Variants in PDZRN3 observed in about 807,000 individuals in gnomAD.
The protein encoded by PDZRN3 is PDZ domain containing ring finger 3.
A neutral mutation model predicts 85.7 loss-of-function variants in PDZRN3; 38 were observed. The ratio of observed to expected loss-of-function variants is 0.44; its 90% CI spans 0.34 to 0.58. The LOEUF is 0.58. Among genes scored for constraint, PDZRN3 ranks in the 20% least tolerant of loss-of-function variants. PDZRN3 has a pLI of 0.01. For synonymous variants in PDZRN3, 759 were observed against 638.0 expected, an observed-to-expected ratio of 1.19 and a Z score of -2.86; for missense variants, 1,629 against 1,506.4, an observed-to-expected ratio of 1.08 and a Z score of -1.35.
chr3:73,601,191 A>T (rs957072047), intron 3 of PDZRN3, among the ~76,000 whole-genome samples: 10 of 152,182 alleles, frequency 6.6e-5, no homozygotes, highest in African/African-American at 2.4e-4. Context: ...TGAGACTGGA[A>T]ATGCAAGACT....
At chr3:73,616,800 C>A (rs927739396) in intron 1 of PDZRN3, among the ~76,000 whole-genome samples, 1 of 152,096 alleles carries the variant, frequency 6.6e-6, no homozygotes, top group African/African-American at 2.4e-5. Flanking sequence ...TAATAACAAC[C>A]CTAACAACAG....
intron 3 of PDZRN3, among the ~76,000 whole-genome samples, chr3:73,510,286 G>C (rs1020202077): frequency 6.6e-6 from 1 of 152,198 alleles, no homozygotes; most frequent in Admixed American, 6.5e-5. Flanking sequence ...TGTAAAACTA[G>C]TGCTCCTTAT....
At chr3:73,425,597 G>GA (rs1702297341) in intron 3 of PDZRN3, among the ~76,000 whole-genome samples, 1 of 108,466 alleles carries the variant, frequency 9.2e-6, no homozygotes, top group African/African-American at 4.0e-5. Context: ...AGGCAAATAA[G>GA]AAGAAAAAAA....
At chr3:73,498,034 G>A (rs1703901292) in intron 3 of PDZRN3, among the ~76,000 whole-genome samples, 1 of 152,182 alleles carries the variant, frequency 6.6e-6, no homozygotes, top group Non-Finnish European at 1.5e-5. Flanking sequence ...TCTCCTCTAG[G>A]CAGAGATCTG....
chr3:73,479,832 G>A (rs1265032005), intron 3 of PDZRN3, among the ~76,000 whole-genome samples: 1 of 152,116 alleles, frequency 6.6e-6, no homozygotes, highest in Non-Finnish European at 1.5e-5. Context: ...ATTCATACAT[G>A]GCTATAGGTG....
chr3:73,500,913 T>A (rs1334102181), intron 3 of PDZRN3, among the ~76,000 whole-genome samples: 1 of 152,188 alleles, frequency 6.6e-6, no homozygotes, highest in Non-Finnish European at 1.5e-5. Context: ...TTGAGCTATA[T>A]CATTTCTTTT....
At chr3:73,542,157 A>G (rs1029945395) in intron 3 of PDZRN3, among the ~76,000 whole-genome samples, 4 of 152,248 alleles carry the variant, frequency 2.6e-5, no homozygotes, top group Non-Finnish European at 4.4e-5. Flanking sequence ...AAAGTACACA[A>G]TGAAATTCCC....
chr3:73,473,023 A>G (rs1703376394), intron 3 of PDZRN3, among the ~76,000 whole-genome samples: 1 of 152,226 alleles, frequency 6.6e-6, no homozygotes, highest in South Asian at 2.1e-4. Context: ...TCAAAATTCT[A>G]GGCAAACTTG....
intron 3 of PDZRN3, among the ~76,000 whole-genome samples, chr3:73,601,741 C>T (rs1702518641): frequency 6.6e-6 from 1 of 152,194 alleles, no homozygotes; most frequent in Non-Finnish European, 1.5e-5. Flanking sequence ...ACTTCCCCTA[C>T]ATGAGTCTAC....
chr3:73,414,299 TAACA>T (rs1293673572), intron 3 of PDZRN3, among the ~76,000 whole-genome samples: 1 of 152,212 alleles, frequency 6.6e-6, no homozygotes, highest in Non-Finnish European at 1.5e-5. Flanking sequence ...AAAAGTCAGG[TAACA>T]AACCAATGAA....
At chr3:73,582,888 AAATGCATACTATTTCATCACATGGATGTG>A (rs1440334762) in intron 3 of PDZRN3, among the ~76,000 whole-genome samples, 10 of 152,230 alleles carry the variant, frequency 6.6e-5, no homozygotes, top group Non-Finnish European at 1.3e-4. Context: ...GGGTTTTAAT[AAATGCATACTATTTCATCACATGGATGTG>A]ACCCCAGCTT....
In PDZRN3 at chr3:73,503,113, A is replaced by C. The variant is rs181872783; in HGVS notation, c.919-98718T>G. On this transcript the variant is annotated intron_variant, in intron 3 of 9. Transcript: ENST00000263666. ...AATGCTTTCTTGATTTTAACTTAAA[A>C]ATTTTAACATTTTACTAACATAAAA... is the stretch of plus-strand genomic sequence containing the variant. Among the ~76,000 whole-genome samples the C allele has an allele frequency of 1.2e-3, 190 of 152,322 alleles. 1 individual carries two copies. The highest frequency in any genetic ancestry group is 2.2e-3 in the Non-Finnish European group (148 of 68,026).
chr3:73,590,650 T>C (rs1376419401), intron 3 of PDZRN3, among the ~76,000 whole-genome samples: 3 of 152,246 alleles, frequency 2.0e-5, no homozygotes, highest in Non-Finnish European at 4.4e-5. Context: ...TTAAAAAGTT[T>C]CAAGCTTTCA....
intron 3 of PDZRN3, among the ~76,000 whole-genome samples, chr3:73,505,573 T>G (rs1264375532): frequency 2.6e-5 from 4 of 152,222 alleles, no homozygotes; most frequent in Non-Finnish European, 5.9e-5. Context: ...GTGGATGATA[T>G]TCTATTGAAT....
intron 3 of PDZRN3, among the ~76,000 whole-genome samples, chr3:73,419,377 C>CA (rs1358463967): frequency 6.6e-6 from 1 of 152,118 alleles, no homozygotes. Context: ...GTGTAGTTAT[C>CA]AAGTGTGCCC....
intron 3 of PDZRN3, among the ~76,000 whole-genome samples, chr3:73,462,651 T>C (rs1703131749): frequency 6.6e-6 from 1 of 152,074 alleles, no homozygotes; most frequent in African/African-American, 2.4e-5. Flanking sequence ...TTGGGTGTGA[T>C]GGCATGTCAA....
At chr3:73,501,616 C>T (rs139335473) in intron 3 of PDZRN3, among the ~76,000 whole-genome samples, 1,867 of 152,260 alleles carry the variant, frequency 0.012, 19 homozygotes, top group Non-Finnish European at 0.019. Flanking sequence ...GTGGATGCAA[C>T]GCGAGGCTCT....
At chr3:73,468,084 G>A (rs187378414) in intron 3 of PDZRN3, among the ~76,000 whole-genome samples, 179 of 152,130 alleles carry the variant, frequency 1.2e-3, no homozygotes, top group African/African-American at 4.2e-3. Flanking sequence ...GGTTAAGATG[G>A]CAAATTTTAT....
intron 3 of PDZRN3, among the ~76,000 whole-genome samples, chr3:73,538,360 C>A (rs1382671596): frequency 1.3e-5 from 2 of 152,152 alleles, no homozygotes; most frequent in East Asian, 3.8e-4. Flanking sequence ...TGTACTTTTC[C>A]TTACTGGCAA....
Sources: gnomAD v4.1 joint callset for allele counts (sites outside exome capture counted in the v4.1 genomes callset) on GRCh38, gnomAD v4.1.1 for gene constraint, MANE v1.5 for transcripts, NCBI Gene and HGNC (gene_info 2026-07-23, HGNC 2026-07-21) for gene names.